The following NALF1 variants were observed in gnomAD, a reference collection of about 807,000 sequenced individuals.
NALF1 encodes the protein NALCN channel auxiliary factor 1.
NALF1 carries 3 observed loss-of-function variants against 48.4 expected under a neutral mutation model. The ratio of observed to expected loss-of-function variants is 0.06; its 90% CI spans 0.03 to 0.16. NALF1 has a LOEUF of 0.16. NALF1 is among the 10% of genes least tolerant of loss of function. NALF1 has a pLI of 1.00. For synonymous variants in NALF1, 262 were observed against 245.7 expected, an observed-to-expected ratio of 1.07 and a Z score of -0.62; for missense variants, 526 against 571.5, an observed-to-expected ratio of 0.92 and a Z score of 0.81.
At chr13:107,841,364 G>C (rs765385525) in intron 1 of NALF1, among the ~76,000 whole-genome samples, 1 of 152,064 alleles carries the variant, frequency 6.6e-6, no homozygotes, top group Non-Finnish European at 1.5e-5. Flanking sequence ...AAAAGGGACA[G>C]AGCTGGTCAA....
Position 107,838,222 on chromosome 13 carries a change from A to G in NALF1, c.915+27460T>C, listed in dbSNP as rs535097793. Among the ~76,000 whole-genome samples the G allele has an allele frequency of 3.3e-5, 5 of 152,204 alleles. 1 individual carries two copies. In the East Asian group the frequency reaches 9.7e-4, roughly 30 times the overall value. ...AACAAACAAACAAAAAGCCAGCATC[A>G]TCGGCACCTGGGGGATTGTCAGAAA... On this transcript the variant is annotated intron_variant, in intron 1 of 2. Transcript: ENST00000375915.
At chr13:107,632,454 C>A (rs1229804377) in intron 1 of NALF1, among the ~76,000 whole-genome samples, 1 of 152,066 alleles carries the variant, frequency 6.6e-6, no homozygotes, top group Admixed American at 6.6e-5. Flanking sequence ...CCCTTCTCTC[C>A]CCTTCCTAAG....
intron 1 of NALF1, among the ~76,000 whole-genome samples, chr13:107,538,584 T>C (rs1372775186): frequency 6.6e-6 from 1 of 152,124 alleles, no homozygotes; most frequent in East Asian, 1.9e-4. Context: ...ATTTTGTCAT[T>C]CAAATCAGAC....
chr13:107,387,688 TAG>T (rs780822557), intron 1 of NALF1, among the ~76,000 whole-genome samples: 8 of 152,148 alleles, frequency 5.3e-5, no homozygotes, highest in Non-Finnish European at 1.2e-4. Context: ...ACAGCAGAAT[TAG>T]AGAGTCAGAC....
At chr13:107,428,375 G>A (rs1371864827) in intron 1 of NALF1, among the ~76,000 whole-genome samples, 2 of 152,208 alleles carry the variant, frequency 1.3e-5, no homozygotes, top group African/African-American at 4.8e-5. Flanking sequence ...GCATTTGGGA[G>A]CTTTGAGGCG....
At position 107,183,556 on chromosome 13, in the gene NALF1, C is replaced by T. The variant is rs182431181; in HGVS notation, c.1088-12770G>A. ...GACACATGCACATGTATGTTTATTG[C>T]GGCACTGTTCACAATAGCAAAGATG... On this transcript the variant is annotated intron_variant, in intron 2 of 2. Transcript: ENST00000375915. Among the ~76,000 whole-genome samples, 984 of 152,224 alleles carry T rather than the reference C, an allele frequency of 6.5e-3. 1 individual carries two copies. The highest frequency in any genetic ancestry group is 0.027 in the Middle Eastern group (8 of 294).
At chr13:107,548,815 CGT>C (rs145453348) in intron 1 of NALF1, among the ~76,000 whole-genome samples, 15 of 151,280 alleles carry the variant, frequency 9.9e-5, no homozygotes, top group Non-Finnish European at 1.3e-4. Flanking sequence ...TACACACACA[CGT>C]GTGTGTGTGT....
chr13:107,785,307 G>A (rs1033189837), intron 1 of NALF1, among the ~76,000 whole-genome samples: 8 of 152,044 alleles, frequency 5.3e-5, no homozygotes, highest in African/African-American at 1.9e-4. Context: ...GAGTGACTGA[G>A]AGAAGACGTC....
Position 107,414,023 on chromosome 13 carries a change from G to A in NALF1, c.916-203268C>T, listed in dbSNP as rs572413370. Among the ~76,000 whole-genome samples, 179 of 152,268 alleles carry A rather than the reference G, an allele frequency of 1.2e-3. 3 individuals carry two copies. Among genetic ancestry groups the A allele is most frequent in the Non-Finnish European group, 1.4e-3 (93 of 68,018 alleles). On this transcript the variant is annotated intron_variant, in intron 1 of 2. Coordinates refer to ENST00000375915, the MANE Select transcript of NALF1 (RefSeq NM_001080396.3). ...GCTGGACTGGAACTCCTGACCTCAG[G>A]TGCTCAGCCCACCTTGGCCTCTGGC...
intron 1 of NALF1, among the ~76,000 whole-genome samples, chr13:107,238,498 C>T (rs958492616): frequency 6.6e-6 from 1 of 152,104 alleles, no homozygotes; most frequent in Non-Finnish European, 1.5e-5. Flanking sequence ...GCTCTCAGTC[C>T]ACTGAAGAGT....
At chr13:107,503,749 GTGTT>G (rs201381258) in intron 1 of NALF1, among the ~76,000 whole-genome samples, 22,459 of 66,084 alleles carry the variant, frequency 0.34, 2,218 homozygotes, top group Admixed American at 0.43. Flanking sequence ...TCTGGTGTGT[GTGTT>G]TGTGTGTGTG....
At chr13:107,228,095 T>G (rs1345313538) in intron 1 of NALF1, among the ~76,000 whole-genome samples, 1 of 152,204 alleles carries the variant, frequency 6.6e-6, no homozygotes, top group Non-Finnish European at 1.5e-5. Context: ...TTATATTCAT[T>G]GGTTAATTTC....
chr13:107,710,517 C>A (rs76074959), intron 1 of NALF1, among the ~76,000 whole-genome samples: 3 of 151,880 alleles, frequency 2.0e-5, no homozygotes, highest in South Asian at 2.1e-4. Context: ...GGGGAAGCCT[C>A]AGAAAACTCA....
At chr13:107,790,318 T>C (rs979564522) in intron 1 of NALF1, among the ~76,000 whole-genome samples, 8 of 152,142 alleles carry the variant, frequency 5.3e-5, no homozygotes, top group Non-Finnish European at 1.0e-4. Context: ...ACAAAGAATA[T>C]GTCAAAATTA....
chr13:107,585,130 C>T (rs1398619621), intron 1 of NALF1, among the ~76,000 whole-genome samples: 1 of 152,112 alleles, frequency 6.6e-6, no homozygotes, highest in East Asian at 1.9e-4. Context: ...TATGTTTTAT[C>T]TATCTTTTAA....
intron 1 of NALF1, among the ~76,000 whole-genome samples, chr13:107,747,949 A>G (rs920368909): frequency 6.6e-6 from 1 of 152,174 alleles, no homozygotes; most frequent in Admixed American, 6.6e-5. Flanking sequence ...GTCTCACCAA[A>G]TATTTTCCCC....
intron 1 of NALF1, among the ~76,000 whole-genome samples, chr13:107,319,430 A>G (rs1052727274): frequency 1.5e-4 from 23 of 152,096 alleles, no homozygotes; most frequent in African/African-American, 5.6e-4. Flanking sequence ...GGATTCAAGC[A>G]CTGACAGCCA....
chr13:107,595,877 C>A (rs1304159760), intron 1 of NALF1, among the ~76,000 whole-genome samples: 74 of 152,082 alleles, frequency 4.9e-4, no homozygotes, highest in Non-Finnish European at 1.5e-5. Context: ...AAATTTGCCC[C>A]TTACTGGCAT....
chr13:107,533,389 C>A (rs1272932929), intron 1 of NALF1, among the ~76,000 whole-genome samples: 1 of 152,064 alleles, frequency 6.6e-6, no homozygotes, highest in African/African-American at 2.4e-5. Context: ...GGCTCCTTCA[C>A]CATAAATGGA....
Sources: gnomAD v4.1 joint callset for allele counts (sites outside exome capture counted in the v4.1 genomes callset) on GRCh38, gnomAD v4.1.1 for gene constraint, MANE v1.5 for transcripts, NCBI Gene and HGNC (gene_info 2026-07-23, HGNC 2026-07-21) for gene names.